Variants in DAB1 observed in about 807,000 individuals in gnomAD.
The protein encoded by DAB1 is DAB adaptor protein 1.
DAB1 carries 15 observed loss-of-function variants against 64.6 expected under a neutral mutation model. That is an observed-to-expected ratio of 0.23 (90% CI 0.16 to 0.36). DAB1 has a LOEUF of 0.36. Ranked by LOEUF, DAB1 falls within the 10% of genes least tolerant of loss-of-function variation. The pLI is 1.00. For synonymous variants in DAB1, 235 were observed against 251.9 expected (o/e 0.93, Z 0.64); for missense variants, 596 against 706.7 (o/e 0.84, Z 1.78).
intron 14 of DAB1, among the ~76,000 whole-genome samples, chr1:56,998,632 C>G (rs911981221): frequency 3.3e-5 from 5 of 152,198 alleles, no homozygotes; most frequent in Non-Finnish European, 7.3e-5. Context: ...CTTGAGAACC[C>G]TGAAATTCTA....
intron 2 of DAB1, among the ~76,000 whole-genome samples, chr1:57,213,231 C>G (rs1156388396): frequency 1.3e-5 from 2 of 152,162 alleles, no homozygotes; most frequent in East Asian, 3.8e-4. Context: ...TTTCTTTAAC[C>G]TATCTTAACT....
At chr1:57,612,205 G>GTGTGTGTGTGTA (rs1645735577) in intron 7 of DAB1, among the ~76,000 whole-genome samples, 2 of 151,802 alleles carry the variant, frequency 1.3e-5, no homozygotes, top group African/African-American at 4.8e-5. Context: ...TTGTGTGTGT[G>GTGTGTGTGTGTA]TGTGTGTGTG....
chr1:57,071,705 T>G lies in DAB1; in HGVS notation c.439-64A>C, dbSNP rs1250383797. On this transcript the variant is annotated intron_variant, in intron 5 of 14. Transcript: ENST00000371236. ...GTACTGAGACGCAGCAACAAATTTT[T>G]GTTTTTGCGGCGACAACCCGCAGCC... is the stretch of plus-strand genomic sequence containing the variant. 8 of 1,545,410 alleles carry G rather than the reference T, an allele frequency of 5.2e-6. No homozygotes were observed. The African/African-American group carries it at 9.8e-5, about 19-fold the overall frequency.
chr1:58,288,838 T>C (rs967212125), intron 4 of DAB1, among the ~76,000 whole-genome samples: 5 of 152,176 alleles, frequency 3.3e-5, no homozygotes, highest in African/African-American at 1.2e-4. Flanking sequence ...GCTTAGACTT[T>C]TATTGCTAAA....
intron 5 of DAB1, among the ~76,000 whole-genome samples, chr1:58,132,730 G>C (rs1213763): frequency 6.6e-6 from 1 of 152,086 alleles, no homozygotes; most frequent in African/African-American, 2.4e-5. Flanking sequence ...ATATGGGAGA[G>C]CCAGCCTCGC....
chr1:58,208,398 G>C (rs748524665), intron 4 of DAB1, among the ~76,000 whole-genome samples: 58 of 152,114 alleles, frequency 3.8e-4, no homozygotes, highest in Non-Finnish European at 5.4e-4. Flanking sequence ...CATCACCTGA[G>C]CAGTGTACAC....
intron 4 of DAB1, among the ~76,000 whole-genome samples, chr1:58,242,740 T>G (rs2100382509): frequency 6.6e-6 from 1 of 152,196 alleles, no homozygotes; most frequent in South Asian, 2.1e-4. Flanking sequence ...ACATAGAACC[T>G]GACCTCAGTT....
intron 5 of DAB1, among the ~76,000 whole-genome samples, chr1:58,005,437 G>A (rs1439751246): frequency 6.6e-6 from 1 of 152,060 alleles, no homozygotes; most frequent in Non-Finnish European, 1.5e-5. Flanking sequence ...AGCACTGAGA[G>A]CCTCACAAGT....
rs1463731889 is a variant in DAB1 at position 56,997,231 on chromosome 1, A to G, written c.*913T>C. On this transcript the variant is annotated 3_prime_UTR_variant, in exon 15 of 15. Coordinates refer to ENST00000371236, the MANE Select transcript of DAB1 (RefSeq NM_001365792.1). Reference sequence around the variant, plus strand: ...CAGCAAGATATCGGAAAAATAAAAAATATCATTTTATTGTACTTAGAGTTT... The same window carrying G: ...CAGCAAGATATCGGAAAAATAAAAAGTATCATTTTATTGTACTTAGAGTTT... The G allele has an allele frequency of 6.6e-6, 1 of 152,234 alleles. No homozygotes were observed. Among genetic ancestry groups the G allele is most frequent in the Non-Finnish European group, 1.5e-5 (1 of 68,044 alleles). The allele number at this position is 152,234 out of a possible 1,614,324, so 9.4% of individuals were successfully genotyped here.
At chr1:57,265,105 G>A (rs949126168) in intron 2 of DAB1, among the ~76,000 whole-genome samples, 1 of 152,184 alleles carries the variant, frequency 6.6e-6, no homozygotes, top group Admixed American at 6.5e-5. Flanking sequence ...GCAGCCCCAG[G>A]ATGGGATGCC....
At position 57,015,127 on chromosome 1, in the gene DAB1, A is replaced by G. The variant is rs1405519334; in HGVS notation, c.1200T>C (p.Ser400=). 1.1e-5 allele frequency: 17 copies of G among 1,613,960 alleles called. No homozygotes were observed. Among genetic ancestry groups the G allele is most frequent in the African/African-American group, 6.7e-5 (5 of 74,892 alleles). Residue 400 remains serine (S), a synonymous_variant, in exon 12 of 15, where the codon AGT becomes AGC. Coordinates refer to ENST00000371236, the MANE Select transcript of DAB1 (RefSeq NM_001365792.1). ...TCTGCCTGGGCTTGTCGGTCTGTGGACTTGACCTGGTGGAGTCACTCGTGC... is the reference window on the plus strand; with the variant it reads ...TCTGCCTGGGCTTGTCGGTCTGTGGGCTTGACCTGGTGGAGTCACTCGTGC... ...VPGTSDSTRS[S]PQTDKPRQKM...
At chr1:58,445,131 C>T (rs1202053344) in intron 3 of DAB1, among the ~76,000 whole-genome samples, 1 of 152,142 alleles carries the variant, frequency 6.6e-6, no homozygotes. Flanking sequence ...GGTCACCCTA[C>T]CTTGGCAAGC....
intron 4 of DAB1, among the ~76,000 whole-genome samples, chr1:58,170,701 T>C (rs1258188611): frequency 2.0e-5 from 3 of 152,042 alleles, no homozygotes; most frequent in South Asian, 2.1e-4. Context: ...TTAAAAAAGA[T>C]TGTCCAACGA....
intron 7 of DAB1, among the ~76,000 whole-genome samples, chr1:57,552,012 T>G (rs889725028): frequency 6.6e-6 from 1 of 152,140 alleles, no homozygotes; most frequent in African/African-American, 2.4e-5. Flanking sequence ...ATTGAGAAGA[T>G]TCACTCCCTT....
chr1:58,274,554 G>A (rs1328955017), intron 4 of DAB1, among the ~76,000 whole-genome samples: 1 of 142,662 alleles, frequency 7.0e-6, no homozygotes, highest in Non-Finnish European at 1.5e-5. Context: ...CTTCCTGGCT[G>A]CTTTGTTTAC....
intron 5 of DAB1, among the ~76,000 whole-genome samples, chr1:58,090,132 G>A (rs7554944): frequency 0.02 from 3,025 of 152,270 alleles, 86 homozygotes; most frequent in African/African-American, 0.068. Context: ...GAGAGCCAGA[G>A]GGGAGGAGAG....
intron 7 of DAB1, among the ~76,000 whole-genome samples, chr1:57,513,359 C>T (rs539552494): frequency 2.6e-5 from 4 of 152,176 alleles, no homozygotes; most frequent in African/African-American, 9.6e-5. Context: ...TTAATGAGGT[C>T]CCTCCCAACC....
intron 3 of DAB1, among the ~76,000 whole-genome samples, chr1:58,386,326 G>T (rs1337545190): frequency 1.3e-5 from 2 of 152,120 alleles, no homozygotes; most frequent in African/African-American, 4.8e-5. Context: ...CTACACTCAA[G>T]GTTAATGAGA....
chr1:57,948,771 A>G (rs1399091841), intron 5 of DAB1, among the ~76,000 whole-genome samples: 1 of 152,196 alleles, frequency 6.6e-6, no homozygotes, highest in Non-Finnish European at 1.5e-5. Context: ...ATCTGAAGTT[A>G]CCGGGGAAGC....
Sources: allele counts gnomAD v4.1 joint callset (sites outside exome capture counted in the v4.1 genomes callset), GRCh38; gene constraint gnomAD v4.1.1; transcripts MANE v1.5; gene names NCBI Gene and HGNC (gene_info 2026-07-23, HGNC 2026-07-21).